USP28: variants seen among roughly 807,000 people sequenced by gnomAD.
USP28 encodes the protein ubiquitin specific peptidase 28, also known as ubiquitin carboxyl-terminal hydrolase 28.
A neutral mutation model predicts 145.0 loss-of-function variants in USP28; 113 were observed. The observed-to-expected ratio is 0.78, with a 90% confidence interval of 0.67 to 0.91. The LOEUF (loss-of-function observed/expected upper bound fraction) is 0.91. USP28 is among the 40% of genes least tolerant of loss of function. The pLI, the probability that USP28 is intolerant of heterozygous loss-of-function variation, is 0.00. For synonymous variants in USP28, 447 were observed against 450.9 expected (o/e 0.99, Z 0.11); for missense variants, 1,201 against 1,289.6 (o/e 0.93, Z 1.05).
At chr11:113,868,165 A>C (rs1948478262) in intron 1 of USP28, among the ~76,000 whole-genome samples, 1 of 152,226 alleles carries the variant, frequency 6.6e-6, no homozygotes, top group South Asian at 2.1e-4. Context: ...AAGCTTTGAC[A>C]GCCCTGTATG....
chr11:113,855,734 T>C (rs1056012370), intron 1 of USP28, among the ~76,000 whole-genome samples: 3 of 152,044 alleles, frequency 2.0e-5, no homozygotes, highest in Admixed American at 6.6e-5. Flanking sequence ...CTGACCAACA[T>C]GGCCCCGTCT....
intron 19 of USP28, among the ~76,000 whole-genome samples, chr11:113,805,547 C>A (rs777180735): frequency 6.6e-6 from 1 of 152,124 alleles, no homozygotes. Flanking sequence ...TGAGCCACTG[C>A]GCCCAGCCTA....
chr11:113,809,896 G>C (rs147770951), intron 16 of USP28, among the ~76,000 whole-genome samples: 2 of 152,064 alleles, frequency 1.3e-5, no homozygotes, highest in African/African-American at 2.4e-5. Flanking sequence ...TTAGTCAAGC[G>C]TGGTGGCGCA....
intron 12 of USP28, chr11:113,822,458 C>CAGAGAGAGAGAGAGAGAGAG (rs10524675): frequency 2.1e-4 from 28 of 136,454 alleles, no homozygotes; most frequent in African/African-American, 6.3e-4. Context: ...TCAAAAAAAA[C>CAGAGAGAGAGAGAGAGAGAG]AGAGAGAGAG....
exon 16 of USP28, chr11:113,812,351 A>T: frequency 1.9e-6 from 3 of 1,614,112 alleles, no homozygotes; most frequent in Non-Finnish European, 2.5e-6. Context: ...CCTCCATAGG[A>T]ATCTCTTTCA....
At chr11:113,824,186 AT>A in intron 11 of USP28, among the ~76,000 whole-genome samples, 1 of 152,348 alleles carries the variant, frequency 6.6e-6, no homozygotes, top group South Asian at 2.1e-4. Flanking sequence ...TTAGAGATAA[AT>A]TTAATCAAAC....
At chr11:113,799,022 TG>T (rs1442562895) in exon 25 of USP28, 2 of 479,104 alleles carry the variant, frequency 4.2e-6, no homozygotes, top group African/African-American at 2.0e-5. Flanking sequence ...CTTAATACAC[TG>T]CTTTCTGCCT....
chr11:113,834,165 A>G (rs1387184983), intron 6 of USP28, 84 bp downstream of exon 6: 13 of 967,614 alleles, frequency 1.3e-5, no homozygotes, highest in Admixed American at 2.4e-5. Flanking sequence ...AGTATCACGG[A>G]TATCAGCTTT....
At chr11:113,817,614 C>A in intron 13 of USP28, 44 bp downstream of exon 13, 1 of 1,592,486 alleles carries the variant, frequency 6.3e-7, no homozygotes, top group East Asian at 2.2e-5. Flanking sequence ...TAAATTATAC[C>A]AGAAAAACAA....
At chr11:113,851,442 G>C (rs1946431510) in intron 3 of USP28, among the ~76,000 whole-genome samples, 1 of 152,056 alleles carries the variant, frequency 6.6e-6, no homozygotes, top group African/African-American at 2.4e-5. Flanking sequence ...GCAAGCCAAG[G>C]TGCACTCCCA....
At chr11:113,862,050 A>G (rs1446242447) in intron 1 of USP28, among the ~76,000 whole-genome samples, 1 of 152,244 alleles carries the variant, frequency 6.6e-6, no homozygotes, top group Non-Finnish European at 1.5e-5. Flanking sequence ...TCTATTTTTA[A>G]TAAATAACAG....
chr11:113,811,081 TGAAA>T (rs1439149612), intron 16 of USP28, among the ~76,000 whole-genome samples: 6 of 152,218 alleles, frequency 3.9e-5, no homozygotes, highest in African/African-American at 1.2e-4. Context: ...ATAGAGGATG[TGAAA>T]GAAAGAGAGA....
At chr11:113,825,492 T>C (rs1943182815) in intron 11 of USP28, among the ~76,000 whole-genome samples, 1 of 152,232 alleles carries the variant, frequency 6.6e-6, no homozygotes. Context: ...CAAGCAATCC[T>C]ACTCCTACAT....
intron 5 of USP28, among the ~76,000 whole-genome samples, chr11:113,840,225 A>G (rs371981378): frequency 6.6e-6 from 1 of 152,046 alleles, no homozygotes; most frequent in African/African-American, 2.4e-5. Context: ...GCGCCTCAAG[A>G]ATGCATTCAC....
intron 1 of USP28, among the ~76,000 whole-genome samples, chr11:113,867,970 G>A (rs1353434509): frequency 1.3e-5 from 2 of 152,120 alleles, no homozygotes; most frequent in African/African-American, 4.8e-5. Flanking sequence ...GCATGCAGCT[G>A]GTACTTACTG....
intron 1 of USP28, among the ~76,000 whole-genome samples, chr11:113,872,642 T>C (rs1050084306): frequency 2.0e-5 from 3 of 152,202 alleles, no homozygotes; most frequent in Non-Finnish European, 4.4e-5. Flanking sequence ...GCATTAAATT[T>C]TCACTGAAAC....
In USP28 at chr11:113,799,422, A is replaced by T. The variant is rs1474904999; in HGVS notation, c.3059-7T>A. 3 of 1,610,206 alleles carry T rather than the reference A, an allele frequency of 1.9e-6. No individual in the cohort carries two copies. In the East Asian group the frequency reaches 6.7e-5, roughly 36 times the overall value. On this transcript the variant is annotated splice_polypyrimidine_tract_variant and splice_region_variant and intron_variant, in intron 24 of 24. Coordinates refer to ENST00000003302, the Ensembl canonical transcript of USP28. ...AGGCACAGCTGCAGATTTTCTGTGGAGGGAAAACAGATGGTTACATATACA... is the reference window on the plus strand; with the variant it reads ...AGGCACAGCTGCAGATTTTCTGTGGTGGGAAAACAGATGGTTACATATACA...
At chr11:113,874,846 A>G in intron 1 of USP28, 4 of 1,014,560 alleles carry the variant, frequency 3.9e-6, no homozygotes, top group Non-Finnish European at 4.7e-6. Flanking sequence ...TAGACTTTCT[A>G]TTCATCACGC....
chr11:113,814,175 A>G (rs1294553416), intron 14 of USP28, among the ~76,000 whole-genome samples: 2 of 152,220 alleles, frequency 1.3e-5, no homozygotes, highest in East Asian at 3.8e-4. Context: ...ATTATTTTTT[A>G]TAATTGCCAA....
Sources: allele counts gnomAD v4.1 joint callset (sites outside exome capture counted in the v4.1 genomes callset), GRCh38; gene constraint gnomAD v4.1.1; transcripts MANE v1.5; gene names NCBI Gene and HGNC (gene_info 2026-07-23, HGNC 2026-07-21).